EIF2AK3: variants seen among roughly 807,000 people sequenced by gnomAD.
EIF2AK3 encodes eukaryotic translation initiation factor 2 alpha kinase 3, also known as eukaryotic translation initiation factor 2-alpha kinase 3.
Under a neutral mutation model 113.5 loss-of-function variants are expected in EIF2AK3, and 50 were observed. That is an observed-to-expected ratio of 0.44 (90% CI 0.35 to 0.56). The LOEUF (loss-of-function observed/expected upper bound fraction) is 0.56, where lower values mean the gene tolerates loss of function less well. Ranked by LOEUF, EIF2AK3 falls within the 20% of genes least tolerant of loss-of-function variation. EIF2AK3 has a pLI of 0.00. For missense variants in EIF2AK3, 1,185 were observed against 1,378.0 expected (o/e 0.86, Z 2.22); for synonymous variants, 448 against 495.4 (o/e 0.90, Z 1.27).
chr2:88,573,903 G>C (rs1056039938), intron 13 of EIF2AK3, among the ~76,000 whole-genome samples: 1 of 152,078 alleles, frequency 6.6e-6, no homozygotes, highest in Non-Finnish European at 1.5e-5. Context: ...ACATCTACTG[G>C]TGATGGCTAA....
At chr2:88,627,522 G>A (rs1214837871), upstream of EIF2AK3, 39 of 408,590 alleles carry the variant, frequency 9.5e-5, no homozygotes, top group East Asian at 1.3e-3. Flanking sequence ...CATTGGCTGC[G>A]GCCGCTGCCA....
intron 6 of EIF2AK3, among the ~76,000 whole-genome samples, chr2:88,590,121 G>T (rs1163403187): frequency 6.6e-6 from 1 of 152,142 alleles, no homozygotes; most frequent in East Asian, 1.9e-4. Flanking sequence ...AGTAATCCCA[G>T]CTACTTAGGA....
At chr2:88,626,028 C>T (rs1442880481) in intron 1 of EIF2AK3, among the ~76,000 whole-genome samples, 1 of 152,020 alleles carries the variant, frequency 6.6e-6, no homozygotes, top group Non-Finnish European at 1.5e-5. Flanking sequence ...CCCAGCCTTC[C>T]CTAGTTTAAT....
chr2:88,565,038 GTT>G (rs778449349), intron 14 of EIF2AK3, among the ~76,000 whole-genome samples: 8 of 140,036 alleles, frequency 5.7e-5, no homozygotes, highest in Non-Finnish European at 4.7e-5. Context: ...TTAAAAAGGT[GTT>G]TTTTTTTTTT....
chr2:88,619,955 C>CAAAA (rs35076573), intron 1 of EIF2AK3, among the ~76,000 whole-genome samples: 1 of 119,724 alleles, frequency 8.4e-6, no homozygotes. Context: ...GACTCCGTCT[C>CAAAA]AAAAAAAAAA....
chr2:88,626,247 A>C (rs981213846), intron 1 of EIF2AK3, among the ~76,000 whole-genome samples: 1 of 152,250 alleles, frequency 6.6e-6, no homozygotes, highest in African/African-American at 2.4e-5. Flanking sequence ...ATGTTTATAC[A>C]GTAAACCCCT....
At chr2:88,599,745 C>T (rs994378300) in intron 2 of EIF2AK3, among the ~76,000 whole-genome samples, 11 of 151,998 alleles carry the variant, frequency 7.2e-5, no homozygotes, top group African/African-American at 2.4e-4. Context: ...TTTCCTCTTC[C>T]ATTAAAAACC....
chr2:88,577,507 G>A (rs749362140), intron 11 of EIF2AK3, among the ~76,000 whole-genome samples: 8 of 146,978 alleles, frequency 5.4e-5, no homozygotes, highest in Admixed American at 2.8e-4. Flanking sequence ...TGTCACCCAC[G>A]CTGGAGTACA....
At position 88,627,354 on chromosome 2, in the gene EIF2AK3, G is replaced by T; in HGVS notation, c.-80C>A. ...CCCGCCGCTTGGAGCTCCCAAGAAG[G>T]CAAGGACGTGCTAGGGACCCTACTG... is the stretch of plus-strand genomic sequence containing the variant. On this transcript the variant is annotated 5_prime_UTR_variant, in exon 1 of 17. Coordinates refer to ENST00000303236, the MANE Select transcript of EIF2AK3 (RefSeq NM_004836.7). 1 of 1,381,774 alleles carries T rather than the reference G, an allele frequency of 7.2e-7. No homozygotes were observed. The allele number at this position is 1,381,774 out of a possible 1,614,324, so 85.6% of individuals were successfully genotyped here.
In EIF2AK3 at chr2:88,602,081, G is replaced by A. The variant is rs563536485; in HGVS notation, c.439-6418C>T. Among the ~76,000 whole-genome samples, 3 of 152,094 alleles carry A rather than the reference G, an allele frequency of 2.0e-5. No individual in the cohort carries two copies. In the South Asian group the frequency reaches 6.2e-4, roughly 32 times the overall value. On this transcript the variant is annotated intron_variant, in intron 2 of 16. Transcript: ENST00000303236. The stretch of plus-strand genomic sequence containing the variant: ...TTAGCCAGGGTGGTCTCAGTCTCCT[G>A]ACCTCGTGATCTGCCTGCCTCAGCC...
chr2:88,557,834 T>C lies in EIF2AK3; in HGVS notation c.3253A>G (p.Lys1085Glu). Residue 1085 changes from lysine to glutamate, a missense_variant, in exon 17 of 17, where the codon AAA becomes GAA. By Grantham distance (56) the Lys-to-Glu change is moderately conservative (BLOSUM62 1). This residue lies in a region of EIF2AK3 where 877 missense variants were observed against 1,024.2 expected (regional missense o/e 0.86). Transcript: ENST00000303236. ...CGAGACCTCTGTCTGAGCACTGTTT[T>C]TCCTGGAAAGTCCAAGTCCTCAAAT... Reference protein sequence around the residue: ...AVFEDLDFPGKTVLRQRSRSL... With the variant: ...AVFEDLDFPGETVLRQRSRSL... The C allele has an allele frequency of 6.2e-7, 1 of 1,614,176 alleles. No homozygotes were observed. Among genetic ancestry groups the C allele is most frequent in the East Asian group, 2.2e-5 (1 of 44,882 alleles).
chr2:88,591,652 G>GT (rs1674891343), intron 4 of EIF2AK3, among the ~76,000 whole-genome samples: 1 of 152,168 alleles, frequency 6.6e-6, no homozygotes. Flanking sequence ...TAAAGTGGCA[G>GT]TAATAATGTT....
At chr2:88,614,734 C>T (rs1490744757) in intron 1 of EIF2AK3, among the ~76,000 whole-genome samples, 2 of 152,172 alleles carry the variant, frequency 1.3e-5, no homozygotes, top group African/African-American at 2.4e-5. Flanking sequence ...CAGTTAAAAT[C>T]CCACAGTCCT....
In EIF2AK3 at chr2:88,573,110, C is replaced by CTTTTTTTTTTTTTT. The variant is rs112158228; in HGVS notation, c.2817+1542_2817+1555dup. ...TTTCACCCAGGAACAAAAATCTTGG[C>CTTTTTTTTTTTTTT]TTTTTTTTTTTTTTTGGTTGGGGGT... On this transcript the variant is annotated intron_variant, in intron 13 of 16. Coordinates refer to ENST00000303236, the MANE Select transcript of EIF2AK3 (RefSeq NM_004836.7). Among the ~76,000 whole-genome samples, 4 of 128,346 alleles carry CTTTTTTTTTTTTTT rather than the reference C, an allele frequency of 3.1e-5. No homozygotes were observed. The South Asian group carries it at 1.0e-3, about 33-fold the overall frequency. 84.2% of individuals were successfully genotyped at this position (128,346 alleles called of 152,430 possible).
intron 14 of EIF2AK3, among the ~76,000 whole-genome samples, chr2:88,566,438 C>T (rs1237203603): frequency 6.6e-6 from 1 of 152,174 alleles, no homozygotes; most frequent in Non-Finnish European, 1.5e-5. Flanking sequence ...AGCCACAGTG[C>T]CCAGCTTCTT....
intron 4 of EIF2AK3, 37 bp downstream of exon 4, chr2:88,593,235 T>C (rs1674928931): frequency 1.9e-6 from 3 of 1,613,420 alleles, no homozygotes; most frequent in Non-Finnish European, 2.5e-6. Flanking sequence ...GGTGTATTTC[T>C]AAATAATACC....
At chr2:88,596,530 A>G (rs902115775) in intron 2 of EIF2AK3, among the ~76,000 whole-genome samples, 1 of 152,160 alleles carries the variant, frequency 6.6e-6, no homozygotes, top group Non-Finnish European at 1.5e-5. Context: ...TGGAGAGGGG[A>G]TTATCAATAA....
intron 15 of EIF2AK3, 84 bp from the exon 16 acceptor site, chr2:88,559,063 AAG>A (rs1673869222): frequency 3.3e-6 from 3 of 908,246 alleles, no homozygotes; most frequent in African/African-American, 1.7e-5. Context: ...CAAAATGACT[AAG>A]AGGTTGTACA....
In EIF2AK3 at chr2:88,558,987, G is replaced by GA. The variant is rs748961764; in HGVS notation, c.3088-9dup. 2.6e-6 allele frequency: 4 copies of GA among 1,547,598 alleles called. No individual in the cohort carries two copies. The highest frequency in any genetic ancestry group is 2.2e-5 in the East Asian group (1 of 44,468). ...TCTTACATCAGTTAAGGTCTAAAAA[G>GA]AAAAAAAGTATCACTTATTAAGTTT... On this transcript the variant is annotated splice_polypyrimidine_tract_variant and intron_variant, in intron 15 of 16. Coordinates refer to ENST00000303236, the MANE Select transcript of EIF2AK3 (RefSeq NM_004836.7).
Sources: allele counts gnomAD v4.1 joint callset (sites outside exome capture counted in the v4.1 genomes callset), GRCh38; gene constraint gnomAD v4.1.1; regional missense constraint gnomAD v4.1.1; transcripts MANE v1.5; gene names NCBI Gene and HGNC (gene_info 2026-07-23, HGNC 2026-07-21).